The following FBXO42 variants were observed in gnomAD, a reference collection of about 807,000 sequenced individuals.
FBXO42 encodes F-box only protein 42.
Under a neutral mutation model 71.7 loss-of-function variants are expected in FBXO42, and 12 were observed. That is an observed-to-expected ratio of 0.17 (90% CI 0.11 to 0.27). The LOEUF (loss-of-function observed/expected upper bound fraction) is 0.27. Ranked by LOEUF, FBXO42 falls within the 10% of genes least tolerant of loss-of-function variation. The pLI is 1.00. For missense variants in FBXO42, 707 were observed against 911.9 expected, an observed-to-expected ratio of 0.78 and a Z score of 2.89; for synonymous variants, 325 against 327.5, an observed-to-expected ratio of 0.99 and a Z score of 0.08.
intron 5 of FBXO42, among the ~76,000 whole-genome samples, chr1:16,256,311 G>T (rs2081644233): frequency 6.6e-6 from 1 of 152,212 alleles, no homozygotes; most frequent in Admixed American, 6.5e-5. Flanking sequence ...AGCAGCCAAA[G>T]CTGAAGAGCT....
intron 4 of FBXO42, among the ~76,000 whole-genome samples, chr1:16,267,281 G>A (rs899878982): frequency 6.6e-6 from 1 of 152,108 alleles, no homozygotes; most frequent in Non-Finnish European, 1.5e-5. Flanking sequence ...GAAGATACAA[G>A]TACATAATGC....
intron 3 of FBXO42, among the ~76,000 whole-genome samples, chr1:16,296,930 C>T (rs1285999270): frequency 7.0e-6 from 1 of 142,904 alleles, no homozygotes; most frequent in African/African-American, 2.7e-5. Context: ...CCCCCGCACC[C>T]CCCACCCCCC....
intron 1 of FBXO42, among the ~76,000 whole-genome samples, chr1:16,318,177 G>A (rs570138800): frequency 5.5e-4 from 84 of 152,240 alleles, no homozygotes; most frequent in Middle Eastern, 3.4e-3. Context: ...CCAGAACTTT[G>A]GGAGGCCTAG....
chr1:16,301,597 A>C (rs1265659430), intron 3 of FBXO42, among the ~76,000 whole-genome samples: 1 of 148,830 alleles, frequency 6.7e-6, no homozygotes, highest in Non-Finnish European at 1.5e-5. Context: ...TGGGAGGCAG[A>C]GGCTGCAGTG....
chr1:16,293,744 C>CCTA (rs977537785), intron 4 of FBXO42: 2 of 152,216 alleles, frequency 1.3e-5, no homozygotes, highest in Non-Finnish European at 1.5e-5. Context: ...CTGGCCTAGA[C>CCTA]ATTCACAGTA....
At chr1:16,262,536 G>A (rs928597407) in intron 4 of FBXO42, among the ~76,000 whole-genome samples, 1 of 152,044 alleles carries the variant, frequency 6.6e-6, no homozygotes, top group African/African-American at 2.4e-5. Context: ...GCAAAACCAT[G>A]TCTCTACTAA....
chr1:16,315,963 G>A (rs919674392), intron 1 of FBXO42, among the ~76,000 whole-genome samples: 1 of 152,036 alleles, frequency 6.6e-6, no homozygotes, highest in South Asian at 2.1e-4. Context: ...CTGAAGTTGG[G>A]AGTTTGAGAC....
At chr1:16,303,793 T>C (rs6682528) in intron 3 of FBXO42, among the ~76,000 whole-genome samples, 49,723 of 151,964 alleles carry the variant, frequency 0.33, 9,805 homozygotes, top group East Asian at 0.67. Context: ...TCACCGAGGC[T>C]AGAGTGCAGT....
chr1:16,259,982 C>T (rs2081692411), intron 4 of FBXO42, among the ~76,000 whole-genome samples: 1 of 152,090 alleles, frequency 6.6e-6, no homozygotes, highest in African/African-American at 2.4e-5. Flanking sequence ...AGATGTAGGA[C>T]ATTTCTATCA....
At position 16,285,829 on chromosome 1, in the gene FBXO42, G is replaced by A. The variant is rs78520798; in HGVS notation, c.502+8954C>T. Among the ~76,000 whole-genome samples, 911 of 152,054 alleles carry A rather than the reference G, an allele frequency of 6.0e-3. 7 individuals carry two copies. Among genetic ancestry groups the A allele is most frequent in the African/African-American group, 0.021 (874 of 41,464 alleles). On this transcript the variant is annotated intron_variant, in intron 4 of 9. Transcript: ENST00000375592. ...TCGAGTCCCCTGATTTCCAAATGCTGGAGTCTCCCAGACTCAATCCTTACA... is the reference window on the plus strand; with the variant it reads ...TCGAGTCCCCTGATTTCCAAATGCTAGAGTCTCCCAGACTCAATCCTTACA...
At chr1:16,295,389 T>C (rs993741432) in intron 3 of FBXO42, among the ~76,000 whole-genome samples, 7 of 152,154 alleles carry the variant, frequency 4.6e-5, no homozygotes, top group Admixed American at 2.6e-4. Flanking sequence ...AATCTTTTTT[T>C]TTTCTTTCTT....
Position 16,251,510 on chromosome 1 carries a change from G to A in FBXO42, c.1314C>T (p.Ile438=), listed in dbSNP as rs530306404. Residue 438 remains isoleucine (I), a synonymous_variant, in exon 10 of 10, where the codon ATC becomes ATT. Coordinates refer to ENST00000375592, the MANE Select transcript of FBXO42 (RefSeq NM_018994.3). This position sits in a 1 kb window ranked among gnomAD's most constrained non-coding sequence, Gnocchi z 4.5. Reference sequence around the variant, plus strand: ...CTGGAGACAAACTCCCACCATTGAGGATAGGAGAGCCGTCTCCTCTGGCTG... The same window carrying A: ...CTGGAGACAAACTCCCACCATTGAGAATAGGAGAGCCGTCTCCTCTGGCTG... ...LSPARGDGSP[I]LNGGSLSPGT... 5.6e-6 allele frequency: 9 copies of A among 1,614,156 alleles called. No homozygotes were observed. In the South Asian group the frequency reaches 8.8e-5, roughly 16 times the overall value.
intron 4 of FBXO42, among the ~76,000 whole-genome samples, chr1:16,257,862 G>T (rs1323165638): frequency 6.6e-6 from 1 of 152,142 alleles, no homozygotes; most frequent in African/African-American, 2.4e-5. Context: ...TGCATTTTTA[G>T]TTGAGATGGG....
chr1:16,339,776 A>G (rs111636173), intron 1 of FBXO42, among the ~76,000 whole-genome samples: 3,712 of 152,262 alleles, frequency 0.024, 129 homozygotes, highest in African/African-American at 0.086. Flanking sequence ...CATGAAGTAA[A>G]TCTTTGCTTC....
At chr1:16,322,794 A>C (rs1466781446) in intron 1 of FBXO42, among the ~76,000 whole-genome samples, 1 of 152,266 alleles carries the variant, frequency 6.6e-6, no homozygotes, top group South Asian at 2.1e-4. Flanking sequence ...AAGTAATGAA[A>C]GTTCCCCACT....
At chr1:16,298,666 C>T (rs755777475) in intron 3 of FBXO42, among the ~76,000 whole-genome samples, 55 of 152,004 alleles carry the variant, frequency 3.6e-4, no homozygotes, top group Non-Finnish European at 6.5e-4. Context: ...CCCACCACCA[C>T]GCCCAGCTAG....
chr1:16,283,496 T>G (rs2081987610), intron 4 of FBXO42, among the ~76,000 whole-genome samples: 1 of 94,052 alleles, frequency 1.1e-5, no homozygotes, highest in Non-Finnish European at 2.5e-5. Flanking sequence ...TGTGGCAAGT[T>G]TTTTTTTTTT....
chr1:16,291,295 C>T (rs1246660336), intron 4 of FBXO42, among the ~76,000 whole-genome samples: 1 of 152,006 alleles, frequency 6.6e-6, no homozygotes, highest in African/African-American at 2.4e-5. Flanking sequence ...TTGATTAGGA[C>T]TCATGATAGC....
intron 1 of FBXO42, among the ~76,000 whole-genome samples, chr1:16,350,706 T>G (rs1409001168): frequency 4.0e-5 from 5 of 124,818 alleles, no homozygotes; most frequent in Non-Finnish European, 8.1e-5. Flanking sequence ...GAGACTGTGC[T>G]ACTGCACTCC....
Sources: allele counts gnomAD v4.1 joint callset (sites outside exome capture counted in the v4.1 genomes callset), GRCh38; gene constraint gnomAD v4.1.1; non-coding constraint Gnocchi (gnomAD v3.1); transcripts MANE v1.5; gene names NCBI Gene and HGNC (gene_info 2026-07-23, HGNC 2026-07-21).